The following TAL1 variants were observed in gnomAD, a reference collection of about 807,000 sequenced individuals.
TAL1 encodes the protein T-cell acute lymphocytic leukemia protein 1.
A neutral mutation model predicts 17.9 loss-of-function variants in TAL1; 8 were observed. The ratio of observed to expected loss-of-function variants is 0.45; its 90% CI spans 0.26 to 0.81. TAL1 has a LOEUF of 0.81. Among genes scored for constraint, TAL1 ranks in the 30% least tolerant of loss-of-function variants. TAL1 has a pLI of 0.17. For missense variants in TAL1, 466 were observed against 486.9 expected (o/e 0.96, Z 0.40); for synonymous variants, 223 against 218.6 (o/e 1.02, Z -0.18).
At position 47,219,894 on chromosome 1, in the gene TAL1, G is replaced by GGCCCCCCCCACCCCCC; in HGVS notation, c.821_822insGGGGGGTGGGGGGGGC (p.Ala275GlyfsTer10). On this transcript the variant is annotated frameshift_variant, in exon 4 of 4. Coordinates refer to ENST00000294339, the Ensembl canonical transcript of TAL1. LOFTEE classifies it high-confidence loss of function. The stretch of plus-strand genomic sequence containing the variant: ...CTTGCAGGAGGTCATCTGGGGGCGC[G>GGCCCCCCCCACCCCCC]CCGCCCCCTCCCCCACCTCCACCCC... 6.4e-7 allele frequency: 1 copy of GGCCCCCCCCACCCCCC among 1,556,038 alleles called. No homozygotes were observed. Among genetic ancestry groups the GGCCCCCCCCACCCCCC allele is most frequent in the Non-Finnish European group, 8.7e-7 (1 of 1,149,582 alleles).
chr1:47,230,450 C>T (rs1349952104), upstream of TAL1: 1 of 152,184 alleles, frequency 6.6e-6, no homozygotes, highest in Non-Finnish European at 1.5e-5. Flanking sequence ...GGAAGATTTT[C>T]TTTCTCCTCT....
At chr1:47,225,130 AC>A (rs954447932) in intron 2 of TAL1, among the ~76,000 whole-genome samples, 17 of 151,980 alleles carry the variant, frequency 1.1e-4, no homozygotes, top group South Asian at 8.3e-4. Flanking sequence ...CCACGACACC[AC>A]CACCAAGCAC....
At chr1:47,218,194 G>A (rs750621520) in exon 4 of TAL1, 95 of 235,870 alleles carry the variant, frequency 4.0e-4, no homozygotes, top group Non-Finnish European at 7.2e-4. Flanking sequence ...GAGCCTAGAG[G>A]GAGAGGGCTA....
rs1569883945 is a variant in TAL1 at position 47,219,141 on chromosome 1, A to T, written c.*579T>A. 1.2e-5 allele frequency: 5 copies of T among 421,742 alleles called. No homozygotes were observed. The East Asian group carries it at 2.0e-4, about 17-fold the overall frequency. 26.1% of individuals were successfully genotyped at this position (421,742 alleles called of 1,614,324 possible). A position where few individuals can be genotyped will look rare whatever the true frequency, so the allele number is the denominator to read the frequency against. On this transcript the variant is annotated 3_prime_UTR_variant, in exon 4 of 4. Coordinates refer to ENST00000294339, the Ensembl canonical transcript of TAL1. ...CTCATCTAGAGCAGACTGTCCACTG[A>T]TCATCTTCTTCAACCAGGCCCTGAA...
chr1:47,226,613 C>A (rs974773965), intron 1 of TAL1, among the ~76,000 whole-genome samples: 15 of 152,194 alleles, frequency 9.9e-5, no homozygotes, highest in African/African-American at 3.4e-4. Flanking sequence ...AGTCCTCTGC[C>A]CGCCCAGCGG....
At chr1:47,221,336 T>C (rs905193728) in intron 3 of TAL1, among the ~76,000 whole-genome samples, 1 of 152,220 alleles carries the variant, frequency 6.6e-6, no homozygotes, top group African/African-American at 2.4e-5. Flanking sequence ...AGTCTCCTCA[T>C]GTCTACAATC....
intron 1 of TAL1, among the ~76,000 whole-genome samples, chr1:47,226,715 T>C (rs1308593346): frequency 6.6e-6 from 1 of 152,142 alleles, no homozygotes; most frequent in Non-Finnish European, 1.5e-5. Flanking sequence ...CTCGTTCTGC[T>C]CAGCTGGACT....
At position 47,219,894 on chromosome 1, in the gene TAL1, G is replaced by GGGGCCCCCCCCCCCCCCCCCCCCCC; in HGVS notation, c.821_822insGGGGGGGGGGGGGGGGGGGGGGCCC (p.Ala275GlyfsTer13). On this transcript the variant is annotated frameshift_variant, in exon 4 of 4. Transcript: ENST00000294339. LOFTEE classifies it high-confidence loss of function. ...CTTGCAGGAGGTCATCTGGGGGCGC[G>GGGGCCCCCCCCCCCCCCCCCCCCCC]CCGCCCCCTCCCCCACCTCCACCCC... 6.4e-7 allele frequency: 1 copy of GGGGCCCCCCCCCCCCCCCCCCCCCC among 1,556,036 alleles called. No homozygotes were observed. The highest frequency in any genetic ancestry group is 8.7e-7 in the Non-Finnish European group (1 of 1,149,582).
exon 4 of TAL1, chr1:47,218,889 G>A: frequency 4.1e-6 from 1 of 245,758 alleles, no homozygotes; most frequent in Non-Finnish European, 8.0e-6. Flanking sequence ...CAGTGATGTC[G>A]AGGAGTTGAA....
rs114181722 is a variant in TAL1, at chr1:47,229,301, C to T, written c.-107G>A. On this transcript the variant is annotated 5_prime_UTR_variant, in exon 1 of 4. Transcript: ENST00000294339. ...TGCACACCCGGGTCTTTGCTTTCCC[C>T]CTTTTTCGCTGAGAGGCCTGCAGTT... 234 of 206,182 alleles carry T rather than the reference C, an allele frequency of 1.1e-3. 1 individual carries two copies. The highest frequency in any genetic ancestry group is 5.2e-3 in the African/African-American group (226 of 43,852). The allele number at this position is 206,182 out of a possible 1,614,324, so 12.8% of individuals were successfully genotyped here. A position where few individuals can be genotyped will look rare whatever the true frequency, so the allele number is the denominator to read the frequency against.
At chr1:47,217,601 T>C (rs1290004777) in exon 4 of TAL1, 1 of 398,510 alleles carries the variant, frequency 2.5e-6, no homozygotes. Context: ...CTCAAAACTG[T>C]CTACTTTCAT....
At chr1:47,216,915 G>A (rs1251577545) in exon 4 of TAL1, 1 of 232,062 alleles carries the variant, frequency 4.3e-6, no homozygotes, top group African/African-American at 2.2e-5. Context: ...GGTACAGAGG[G>A]TGAAAATAAA....
At chr1:47,219,880 T>A in exon 4 of TAL1, 1 of 1,581,118 alleles carries the variant, frequency 6.3e-7, no homozygotes, top group Non-Finnish European at 8.6e-7. Context: ...TTGCAGGAGG[T>A]CATCTGGGGG....
intron 2 of TAL1, 80 bp from the exon 4 acceptor site, chr1:47,224,178 A>C: frequency 7.1e-7 from 1 of 1,417,906 alleles, no homozygotes; most frequent in Non-Finnish European, 9.9e-7. Context: ...TCCTCCCCAC[A>C]TGTCTTGAGC....
At chr1:47,223,892 T>C (rs1643869960) in intron 3 of TAL1, 112 bp downstream of exon 4, 2 of 1,079,240 alleles carry the variant, frequency 1.9e-6, no homozygotes, top group South Asian at 1.4e-5. Flanking sequence ...GTTTGGAAAG[T>C]GGCCCGCCCA....
chr1:47,224,067 T>C (rs758326860), exon 3 of TAL1: 3 of 1,613,546 alleles, frequency 1.9e-6, no homozygotes, highest in Non-Finnish European at 2.5e-6. Flanking sequence ...GTGGTGAACA[T>C]AGGGAAGGCA....
Position 47,218,113 on chromosome 1 carries a change from A to G in TAL1, c.*1607T>C, listed in dbSNP as rs951198372. 4 of 252,212 alleles carry G rather than the reference A, an allele frequency of 1.6e-5. No homozygotes were observed. The South Asian group carries it at 7.0e-4, about 44-fold the overall frequency. 15.6% of individuals were successfully genotyped at this position (252,212 alleles called of 1,614,324 possible). A position where few individuals can be genotyped will look rare whatever the true frequency, so the allele number is the denominator to read the frequency against. The stretch of plus-strand genomic sequence containing the variant: ...CAAACTATAAGGGGGGGCTTTCCAG[A>G]CAGCCACAGTGATGAGTTCTTGCAT... On this transcript the variant is annotated 3_prime_UTR_variant, in exon 4 of 4. Transcript: ENST00000294339.
chr1:47,230,041 G>A (rs957506504), upstream of TAL1: 2 of 152,234 alleles, frequency 1.3e-5, no homozygotes, highest in Non-Finnish European at 2.9e-5. Flanking sequence ...GAGAGGAAGA[G>A]AGAGACAGAA....
chr1:47,225,559 C>G, exon 2 of TAL1: 2 of 1,279,198 alleles, frequency 1.6e-6, no homozygotes, highest in Non-Finnish European at 9.8e-7. Context: ...CGGGCAGCTC[C>G]GCTGTAACCG....
Sources: allele counts gnomAD v4.1 joint callset (sites outside exome capture counted in the v4.1 genomes callset), GRCh38; gene constraint gnomAD v4.1.1; transcripts MANE v1.5; gene names NCBI Gene and HGNC (gene_info 2026-07-23, HGNC 2026-07-21).